TRMT11: variants seen among roughly 807,000 people sequenced by gnomAD.
The protein encoded by TRMT11 is tRNA (guanine(10)-N(2))-methyltransferase TRMT11.
A neutral mutation model predicts 62.8 loss-of-function variants in TRMT11; 53 were observed. The ratio of observed to expected loss-of-function variants is 0.84; its 90% confidence interval spans 0.68 to 1.06. The LOEUF (loss-of-function observed/expected upper bound fraction) is 1.06, where lower values mean the gene tolerates loss of function less well. Ranked by LOEUF, TRMT11 falls within the 50% of genes least tolerant of loss-of-function variation. The probability of loss-of-function intolerance (pLI) is 0.00; values close to 1 mark genes in which losing one functional copy is unlikely to be tolerated. For missense variants in TRMT11, 556 were observed against 553.4 expected, an observed-to-expected ratio of 1.00 and a Z score of -0.05; for synonymous variants, 188 against 190.3, an observed-to-expected ratio of 0.99 and a Z score of 0.10.
chr6:126,236,057 G>A, the TRMT11 span, among the ~76,000 whole-genome samples: 7 of 152,312 alleles, frequency 4.6e-5, no homozygotes, highest in African/African-American at 1.7e-4. Flanking sequence ...TGTGACCTGG[G>A]TTAGGATTCT....
chr6:126,118,826 CT>C (rs1777617199), intron 21 of TRMT11, among the ~76,000 whole-genome samples: 2 of 152,174 alleles, frequency 1.3e-5, no homozygotes, highest in South Asian at 4.2e-4. Flanking sequence ...AGGGAGATCT[CT>C]TTATTATATT....
chr6:126,102,201 G>C (rs955434381), intron 17 of TRMT11, among the ~76,000 whole-genome samples: 7 of 152,244 alleles, frequency 4.6e-5, no homozygotes, highest in Non-Finnish European at 8.8e-5. Context: ...CATCTCTTGA[G>C]ATGAACTCTG....
intron 12 of TRMT11, among the ~76,000 whole-genome samples, chr6:126,022,729 A>G (rs1796010812): frequency 1.3e-5 from 2 of 152,236 alleles, no homozygotes. Flanking sequence ...ATATCAGGGC[A>G]TTTCAAAAAG....
intron 17 of TRMT11, among the ~76,000 whole-genome samples, chr6:126,112,004 T>C (rs1361423003): frequency 1.3e-5 from 2 of 152,174 alleles, no homozygotes; most frequent in Non-Finnish European, 2.9e-5. Context: ...ACTCCATTTC[T>C]GTCTCTTCTA....
At chr6:126,245,038 T>C in the TRMT11 span, among the ~76,000 whole-genome samples, 1 of 152,224 alleles carries the variant, frequency 6.6e-6, no homozygotes, top group Non-Finnish European at 1.5e-5. Flanking sequence ...GTTTAAAATA[T>C]TTAGATAAAG....
At position 125,994,586 on chromosome 6, in the gene TRMT11, T is replaced by C. The variant is rs547863285; in HGVS notation, c.138+764T>C. Among the ~76,000 whole-genome samples the C allele has an allele frequency of 2.0e-5, 3 of 152,244 alleles. No individual in the cohort carries two copies. The East Asian group carries it at 5.8e-4, about 29-fold the overall frequency. On this transcript the variant is annotated intron_variant, in intron 2 of 12. Coordinates refer to ENST00000334379, the MANE Select transcript of TRMT11 (RefSeq NM_001031712.3). ...GAATTTTTCTGTTGGGTAGGGTAAA[T>C]ATTGGAAGAAAAAAAACGGGGTATA...
intron 17 of TRMT11, among the ~76,000 whole-genome samples, chr6:126,102,745 C>G (rs1258953313): frequency 2.0e-5 from 3 of 152,022 alleles, no homozygotes; most frequent in Non-Finnish European, 2.9e-5. Context: ...GAACTGCACT[C>G]TCTTCTAGTA....
intron 17 of TRMT11, among the ~76,000 whole-genome samples, chr6:126,088,390 A>G (rs1050350751): frequency 6.6e-5 from 10 of 151,942 alleles, no homozygotes; most frequent in Non-Finnish European, 1.0e-4. Flanking sequence ...CTGGAGAACT[A>G]AAAAAAATAC....
At chr6:126,237,197 G>A in the TRMT11 span, among the ~76,000 whole-genome samples, 1 of 152,084 alleles carries the variant, frequency 6.6e-6, no homozygotes, top group African/African-American at 2.4e-5. Flanking sequence ...GTTTGTTTCA[G>A]TGCCCTATAA....
the TRMT11 span, among the ~76,000 whole-genome samples, chr6:126,241,303 G>A: frequency 6.6e-6 from 1 of 152,210 alleles, no homozygotes; most frequent in Non-Finnish European, 1.5e-5. Flanking sequence ...GGGAGCTGTA[G>A]ACAGGAGCTG....
At chr6:126,102,587 G>A (rs937492661) in intron 17 of TRMT11, among the ~76,000 whole-genome samples, 1 of 148,354 alleles carries the variant, frequency 6.7e-6, no homozygotes, top group African/African-American at 2.6e-5. Flanking sequence ...CTTTATTGTC[G>A]TAAAAGTGCC....
chr6:126,047,058 C>T (rs1453628222), intron 16 of TRMT11, among the ~76,000 whole-genome samples: 1 of 151,878 alleles, frequency 6.6e-6, no homozygotes, highest in Non-Finnish European at 1.5e-5. Flanking sequence ...GTTTTGGATG[C>T]CTGGACTCCT....
intron 16 of TRMT11, among the ~76,000 whole-genome samples, chr6:126,050,539 C>CA (rs1222911996): frequency 1.3e-5 from 2 of 151,738 alleles, no homozygotes; most frequent in Non-Finnish European, 2.9e-5. Context: ...CCTGTAATTA[C>CA]AAAAATAAAA....
intron 17 of TRMT11, among the ~76,000 whole-genome samples, chr6:126,095,152 T>G (rs940246314): frequency 6.6e-6 from 1 of 152,214 alleles, no homozygotes; most frequent in Non-Finnish European, 1.5e-5. Context: ...ATACTTGAGA[T>G]GGCTGGATAC....
At chr6:126,080,152 A>G (rs1225465034) in intron 17 of TRMT11, among the ~76,000 whole-genome samples, 1 of 151,994 alleles carries the variant, frequency 6.6e-6, no homozygotes, top group Admixed American at 6.6e-5. Flanking sequence ...CCCAGGCTGG[A>G]GTGCAGTGGC....
At chr6:126,074,875 A>G (rs974866527) in intron 17 of TRMT11, among the ~76,000 whole-genome samples, 2 of 152,222 alleles carry the variant, frequency 1.3e-5, no homozygotes, top group Non-Finnish European at 2.9e-5. Context: ...AAAAAAATCT[A>G]AAAGTCAGTA....
intron 17 of TRMT11, among the ~76,000 whole-genome samples, chr6:126,065,849 G>T (rs1475854944): frequency 6.6e-6 from 1 of 152,218 alleles, no homozygotes; most frequent in African/African-American, 2.4e-5. Context: ...ACTGTAGACT[G>T]AAGTTGTCCT....
intron 18 of TRMT11, among the ~76,000 whole-genome samples, chr6:126,113,918 G>A (rs970666490): frequency 1.2e-4 from 18 of 152,048 alleles, no homozygotes; most frequent in African/African-American, 3.1e-4. Flanking sequence ...TGACAAACTC[G>A]CAGGCAATGT....
chr6:126,152,322 C>G (rs1344966447), intron 21 of TRMT11, among the ~76,000 whole-genome samples: 1 of 150,774 alleles, frequency 6.6e-6, no homozygotes, highest in Non-Finnish European at 1.5e-5. Context: ...CTTTTTAAAG[C>G]CTTTTGAGAA....
Sources: allele counts gnomAD v4.1 joint callset (sites outside exome capture counted in the v4.1 genomes callset), GRCh38; gene constraint gnomAD v4.1.1; transcripts MANE v1.5; gene names NCBI Gene and HGNC (gene_info 2026-07-23, HGNC 2026-07-21).